MDM4: variants seen among roughly 807,000 people sequenced by gnomAD.
MDM4 encodes MDM4 regulator of p53, also known as protein Mdm4.
Under a neutral mutation model 60.2 loss-of-function variants are expected in MDM4, and 2 were observed. The observed-to-expected ratio is 0.03, with a 90% CI of 0.01 to 0.10. MDM4 has a LOEUF of 0.10. MDM4 is among the 10% of genes least tolerant of loss of function. The pLI is 1.00. For missense variants in MDM4, 447 were observed against 577.5 expected (o/e 0.77, Z 2.32); for synonymous variants, 202 against 198.1 (o/e 1.02, Z -0.17).
At chr1:204,534,601 C>T (rs1661204827) in intron 5 of MDM4, among the ~76,000 whole-genome samples, 1 of 152,168 alleles carries the variant, frequency 6.6e-6, no homozygotes, top group Non-Finnish European at 1.5e-5. Context: ...AGTCCTCCCA[C>T]CTCAGCCTCC....
chr1:204,546,807 T>A lies in MDM4; in HGVS notation c.833T>A (p.Val278Glu), dbSNP rs1478031328. Reference sequence around the variant, plus strand: ...TTTTTGCCTTCACAGGTGATTGAAGTGGGAAAAAATGATGACCTGGAGGAC... The same window carrying A: ...TTTTTGCCTTCACAGGTGATTGAAGAGGGAAAAAATGATGACCTGGAGGAC... ...GKVSDKKVIE[V>E]GKNDDLEDSK... is the part of the protein sequence containing the mutation. The change falls in exon 10 of 11, where the codon GTG becomes GAG. Residue 278 changes from valine to glutamate, a missense_variant. Coordinates refer to ENST00000367182, the MANE Select transcript of MDM4 (RefSeq NM_002393.5). 1.9e-6 allele frequency: 3 copies of A among 1,611,766 alleles called. No individual in the cohort carries two copies. The highest frequency in any genetic ancestry group is 1.7e-4 in the Middle Eastern group (1 of 6,052).
chr1:204,546,546 TCTCTC>T (rs1662680908), intron 9 of MDM4, among the ~76,000 whole-genome samples: 1 of 152,176 alleles, frequency 6.6e-6, no homozygotes, highest in African/African-American at 2.4e-5. Flanking sequence ...ATGGGCATCT[TCTCTC>T]TTCTGAATGC....
In MDM4 at chr1:204,538,261, T is replaced by C; in HGVS notation, c.464T>C (p.Ile155Thr). ...TSRKRTTEDDIPTLPTSEHKC... is the reference protein window; with the variant it reads ...TSRKRTTEDDTPTLPTSEHKC... The stretch of plus-strand genomic sequence containing the variant: ...AGAAAAAGAACTACAGAAGACGATA[T>C]CCCCACACTGCCTACCTCAGAGCAT... Residue 155 changes from isoleucine to threonine, a missense_variant, in exon 7 of 11, where the codon ATC (isoleucine) becomes ACC (threonine). Physicochemically the swap from Ile to Thr is moderately conservative, Grantham distance 89. Transcript: ENST00000367182. 6.2e-7 allele frequency: 1 copy of C among 1,611,684 alleles called. No individual in the cohort carries two copies. Among genetic ancestry groups the C allele is most frequent in the Non-Finnish European group, 8.5e-7 (1 of 1,177,780 alleles).
rs945060262 is a variant in MDM4, at chr1:204,553,165, G to A, written c.*3483G>A. On this transcript the variant is annotated 3_prime_UTR_variant, in exon 11 of 11. Transcript: ENST00000367182. ...TGAGATTACAGGCATGAGCCACAGC[G>A]CCCAGCTTAAACTATTTTCTTGGTC... 15 of 180,726 alleles carry A rather than the reference G, an allele frequency of 8.3e-5. No homozygotes were observed. The highest frequency in any genetic ancestry group is 3.1e-4 in the African/African-American group (13 of 42,408). The allele number at this position is 180,726 out of a possible 1,614,324, so 11.2% of individuals were successfully genotyped here.
At position 204,533,732 on chromosome 1, in the gene MDM4, T is replaced by A. The variant is rs139340254; in HGVS notation, c.343+1486T>A. ...TTGATAGTTTACTGAAATAAGTAGG[T>A]TGAGAAGAATCCATTCCTTTTTATC... On this transcript the variant is annotated intron_variant, in intron 5 of 10. Coordinates refer to ENST00000367182, the MANE Select transcript of MDM4 (RefSeq NM_002393.5). Among the ~76,000 whole-genome samples, 1,049 of 152,264 alleles carry A rather than the reference T, an allele frequency of 6.9e-3. 11 individuals are homozygous for A. Among genetic ancestry groups the A allele is most frequent in the African/African-American group, 0.024 (995 of 41,556 alleles).
rs1252837046 is a variant in MDM4 at position 204,554,186 on chromosome 1, A to T, written c.*4504A>T. On this transcript the variant is annotated 3_prime_UTR_variant, in exon 11 of 11. Transcript: ENST00000367182. ...GAATATTCTTCTGATCTATAATACAAAGCTATGTAATGTTACCTCTTGACT... is the reference window on the plus strand; with the variant it reads ...GAATATTCTTCTGATCTATAATACATAGCTATGTAATGTTACCTCTTGACT... The T allele has an allele frequency of 4.4e-6, 1 of 226,976 alleles. No homozygotes were observed. Among genetic ancestry groups the T allele is most frequent in the Non-Finnish European group, 8.7e-6 (1 of 114,286 alleles). 14.1% of individuals were successfully genotyped at this position (226,976 alleles called of 1,614,324 possible).
At chr1:204,522,500 C>A (rs149094198) in intron 1 of MDM4, among the ~76,000 whole-genome samples, 1 of 151,200 alleles carries the variant, frequency 6.6e-6, no homozygotes, top group East Asian at 2.0e-4. Flanking sequence ...CAAGTTCAGG[C>A]GATTCTCCTG....
chr1:204,534,075 C>T (rs543703040), intron 5 of MDM4, among the ~76,000 whole-genome samples: 172 of 152,200 alleles, frequency 1.1e-3, no homozygotes, highest in African/African-American at 3.9e-3. Context: ...CATGAGCCAC[C>T]GCCCCCAGAC....
chr1:204,532,260 T>C lies in MDM4; in HGVS notation c.343+14T>C, dbSNP rs1291485602. The C allele has an allele frequency of 6.5e-7, 1 of 1,534,272 alleles. No individual in the cohort carries two copies. The highest frequency in any genetic ancestry group is 9.0e-7 in the Non-Finnish European group (1 of 1,108,390). On this transcript the variant is annotated intron_variant, in intron 5 of 10. Coordinates refer to ENST00000367182, the MANE Select transcript of MDM4 (RefSeq NM_002393.5). ...CTGCTACTACAGGTATGTCACATCATATTTCTTCAGTCTGTATCACAGCTT... is the reference window on the plus strand; with the variant it reads ...CTGCTACTACAGGTATGTCACATCACATTTCTTCAGTCTGTATCACAGCTT...
Position 204,556,656 on chromosome 1 carries a change from A to G in MDM4, c.*6974A>G, listed in dbSNP as rs1663558063. ...GGTTGCAGTGAGCTGAGATGGCACC[A>G]CTGCAATCCAAGGTGGGTGACAGAG... On this transcript the variant is annotated 3_prime_UTR_variant, in exon 11 of 11. Transcript: ENST00000367182. The G allele has an allele frequency of 4.8e-6, 1 of 206,900 alleles. No individual in the cohort carries two copies. Among genetic ancestry groups the G allele is most frequent in the African/African-American group, 2.3e-5 (1 of 43,866 alleles). 12.8% of individuals were successfully genotyped at this position (206,900 alleles called of 1,614,324 possible).
chr1:204,529,305 A>G (rs1660601333), intron 3 of MDM4: 2 of 763,626 alleles, frequency 2.6e-6, no homozygotes, highest in Non-Finnish European at 4.8e-6. Context: ...AGATAAAGCC[A>G]CTGTGATCAG....
At position 204,538,321 on chromosome 1, in the gene MDM4, T is replaced by G; in HGVS notation, c.511+13T>G. On this transcript the variant is annotated intron_variant, in intron 7 of 10. Coordinates refer to ENST00000367182, the MANE Select transcript of MDM4 (RefSeq NM_002393.5). ...CATTCTAGAGAAGGTATGTTTTGGATTAAGGCTATATAGACTTTTGTTCTC... is the reference window on the plus strand; with the variant it reads ...CATTCTAGAGAAGGTATGTTTTGGAGTAAGGCTATATAGACTTTTGTTCTC... The G allele has an allele frequency of 7.0e-7, 1 of 1,418,744 alleles. No individual in the cohort carries two copies. Among genetic ancestry groups the G allele is most frequent in the Non-Finnish European group, 1.0e-6 (1 of 1,003,352 alleles). The allele number at this position is 1,418,744 out of a possible 1,614,324, so 87.9% of individuals were successfully genotyped here.
rs149259264 is a variant in MDM4, at chr1:204,549,310, G to A, written c.1101G>A (p.Ser367=). 4.9e-5 allele frequency: 79 copies of A among 1,614,122 alleles called. No homozygotes were observed. The African/African-American group carries it at 9.2e-4, about 19-fold the overall frequency. Residue 367 remains serine (S), a synonymous_variant, in exon 11 of 11, where the codon TCG becomes TCA. Coordinates refer to ENST00000367182, the MANE Select transcript of MDM4 (RefSeq NM_002393.5). The part of the protein sequence containing the change: ...NDVPDCRRTI[S]APVVRPKDAY... ...TCCCTGATTGTCGAAGAACCATTTC[G>A]GCTCCTGTCGTTAGACCTAAAGATG... is the stretch of plus-strand genomic sequence containing the variant.
chr1:204,549,402 C>T lies in MDM4; in HGVS notation c.1193C>T (p.Ala398Val), dbSNP rs150420477. The part of the protein sequence containing the change: ...PCNSVEFLDL[A>V]HSSESQETIS... Reference sequence around the variant, plus strand: ...AACTCAGTGGAATTCTTGGATTTGGCTCACAGTTCTGAAAGCCAAGAGACC... The same window carrying T: ...AACTCAGTGGAATTCTTGGATTTGGTTCACAGTTCTGAAAGCCAAGAGACC... The change falls in exon 11 of 11, where the codon GCT becomes GTT. Residue 398 changes from alanine to valine, a missense_variant. Coordinates refer to ENST00000367182, the MANE Select transcript of MDM4 (RefSeq NM_002393.5). The T allele has an allele frequency of 2.5e-4, 403 of 1,613,594 alleles. No individual in the cohort carries two copies. Among genetic ancestry groups the T allele is most frequent in the Non-Finnish European group, 3.2e-4 (382 of 1,179,962 alleles).
chr1:204,524,669 C>G (rs1242411393), intron 1 of MDM4, among the ~76,000 whole-genome samples: 26 of 152,144 alleles, frequency 1.7e-4, no homozygotes, highest in Non-Finnish European at 3.5e-4. Context: ...CCCAGCTACT[C>G]AGGAGGCTGA....
intron 7 of MDM4, among the ~76,000 whole-genome samples, chr1:204,538,647 T>C (rs756073209): frequency 3.9e-5 from 6 of 152,120 alleles, no homozygotes; most frequent in Non-Finnish European, 7.4e-5. Flanking sequence ...TGTATGTATA[T>C]GATTTGGTTA....
At chr1:204,540,667 G>A (rs950317616) in intron 7 of MDM4, among the ~76,000 whole-genome samples, 1 of 152,060 alleles carries the variant, frequency 6.6e-6, no homozygotes, top group Admixed American at 6.5e-5. Context: ...GGAGGCTGAG[G>A]CAGGATAATT....
intron 4 of MDM4, among the ~76,000 whole-genome samples, chr1:204,531,533 A>G (rs1024984115): frequency 2.0e-5 from 3 of 152,192 alleles, no homozygotes; most frequent in Non-Finnish European, 2.9e-5. Flanking sequence ...TCTGTCTTAC[A>G]CTAAGACTTC....
chr1:204,527,254 G>A (rs904163155), intron 3 of MDM4, among the ~76,000 whole-genome samples: 1 of 151,988 alleles, frequency 6.6e-6, no homozygotes, highest in Non-Finnish European at 1.5e-5. Context: ...TTGCAATGAG[G>A]TGCACTCCAG....
Sources: allele counts gnomAD v4.1 joint callset (sites outside exome capture counted in the v4.1 genomes callset), GRCh38; gene constraint gnomAD v4.1.1; transcripts MANE v1.5; gene names NCBI Gene and HGNC (gene_info 2026-07-23, HGNC 2026-07-21).